The following ROBO2 variants were observed in gnomAD, a reference collection of about 807,000 sequenced individuals.
ROBO2 encodes the protein roundabout homolog 2.
ROBO2 carries 53 observed loss-of-function variants against 160.8 expected under a neutral mutation model. The observed-to-expected ratio is 0.33, with a 90% CI of 0.26 to 0.41. The LOEUF (loss-of-function observed/expected upper bound fraction) is 0.41. ROBO2 is among the 10% of genes least tolerant of loss of function. The pLI is 1.00. For synonymous variants in ROBO2, 664 were observed against 611.7 expected, an observed-to-expected ratio of 1.09 and a Z score of -1.26; for missense variants, 1,577 against 1,722.4, an observed-to-expected ratio of 0.92 and a Z score of 1.49.
chr3:76,302,976 A>T (rs1220710501), intron 2 of ROBO2, among the ~76,000 whole-genome samples: 2 of 152,138 alleles, frequency 1.3e-5, no homozygotes, highest in East Asian at 1.9e-4. Flanking sequence ...AAAAAATTTT[A>T]AAAATAAACA....
At chr3:76,728,090 T>C (rs981781046) in intron 2 of ROBO2, among the ~76,000 whole-genome samples, 1 of 152,068 alleles carries the variant, frequency 6.6e-6, no homozygotes, top group African/African-American at 2.4e-5. Flanking sequence ...AAGTAACCTA[T>C]TGCTGAAGAC....
chr3:76,710,622 CG>C (rs1356899194), intron 2 of ROBO2, among the ~76,000 whole-genome samples: 2 of 152,212 alleles, frequency 1.3e-5, no homozygotes, highest in Admixed American at 6.5e-5. Context: ...AGAAGTAACT[CG>C]TCAAGGTAGG....
intron 2 of ROBO2, among the ~76,000 whole-genome samples, chr3:76,346,782 C>T (rs2074557596): frequency 6.6e-6 from 1 of 152,100 alleles, no homozygotes; most frequent in South Asian, 2.1e-4. Context: ...AGCTTTCTCC[C>T]ATCTCTTCAG....
intron 2 of ROBO2, among the ~76,000 whole-genome samples, chr3:76,867,957 T>C (rs910831171): frequency 2.0e-4 from 30 of 152,202 alleles, no homozygotes; most frequent in Non-Finnish European, 2.9e-5. Flanking sequence ...CCAAGATGAA[T>C]GTTTTCTCCT....
intron 2 of ROBO2, among the ~76,000 whole-genome samples, chr3:77,356,209 A>C (rs1231473304): frequency 6.6e-6 from 1 of 152,226 alleles, no homozygotes; most frequent in Non-Finnish European, 1.5e-5. Context: ...CTCAGTTAAA[A>C]GAGTGAGCTA....
intron 2 of ROBO2, among the ~76,000 whole-genome samples, chr3:77,116,721 T>G (rs891115549): frequency 6.6e-6 from 1 of 152,216 alleles, no homozygotes; most frequent in African/African-American, 2.4e-5. Context: ...TTTTCTTGCC[T>G]TTGGCTACGG....
intron 2 of ROBO2, among the ~76,000 whole-genome samples, chr3:76,195,191 T>C (rs77481050): frequency 0.023 from 3,457 of 152,272 alleles, 240 homozygotes; most frequent in East Asian, 0.22. Flanking sequence ...ACCTTGAGTA[T>C]TGGGGATATT....
rs551913548 is a variant in ROBO2, at chr3:76,333,083, C to T, written c.109+395481C>T. On this transcript the variant is annotated intron_variant, in intron 2 of 26. Coordinates refer to the ROBO2 transcript ENST00000487694. ...AGGCCCTGGAGCCACACCTTGAGAA[C>T]GCCTAGTATATGTAAACTGGTCTTC... is the stretch of plus-strand genomic sequence containing the variant. Among the ~76,000 whole-genome samples, 58 of 152,284 alleles carry T rather than the reference C, an allele frequency of 3.8e-4. 2 individuals are homozygous for T. Among genetic ancestry groups the T allele is most frequent in the South Asian group, 1.0e-3 (5 of 4,822 alleles).
At chr3:76,821,671 C>A (rs1455842342) in intron 2 of ROBO2, among the ~76,000 whole-genome samples, 1 of 151,436 alleles carries the variant, frequency 6.6e-6, no homozygotes, top group Non-Finnish European at 1.5e-5. Context: ...AATAAAATAC[C>A]AAAATTAAAG....
At chr3:76,144,123 G>A (rs2071795388) in intron 2 of ROBO2, among the ~76,000 whole-genome samples, 1 of 151,890 alleles carries the variant, frequency 6.6e-6, no homozygotes, top group East Asian at 1.9e-4. Context: ...GCACATTGTG[G>A]CCCAGCTAAT....
chr3:76,087,727 A>G lies in ROBO2; in HGVS notation c.109+150125A>G, dbSNP rs772313516. Among the ~76,000 whole-genome samples the G allele has an allele frequency of 1.1e-3, 165 of 152,182 alleles. 1 individual carries two copies. The highest frequency in any genetic ancestry group is 1.7e-3 in the East Asian group (9 of 5,178). ...TTCATATATATGGCTAAGTGTAAAT[A>G]AAATGAGTGACACTAATGATACAAG... On this transcript the variant is annotated intron_variant, in intron 2 of 26. Transcript: ENST00000487694.
intron 2 of ROBO2, among the ~76,000 whole-genome samples, chr3:76,468,225 G>A (rs1404272940): frequency 6.6e-6 from 1 of 152,042 alleles, no homozygotes; most frequent in Non-Finnish European, 1.5e-5. Flanking sequence ...GATAGCAACT[G>A]GCAAAGTGAG....
intron 13 of ROBO2, among the ~76,000 whole-genome samples, chr3:77,571,994 C>T (rs2093648959): frequency 1.3e-5 from 2 of 151,548 alleles, no homozygotes; most frequent in South Asian, 4.2e-4. Context: ...TGATAGTGTA[C>T]ACTGAAGTGT....
intron 2 of ROBO2, among the ~76,000 whole-genome samples, chr3:77,016,293 C>T (rs147060218): frequency 8.0e-4 from 122 of 152,154 alleles, no homozygotes; most frequent in South Asian, 5.4e-3. Flanking sequence ...TTATTTTGTA[C>T]GACTGAGTTT....
At chr3:77,057,346 G>A (rs1451976383) in intron 1 of ROBO2, among the ~76,000 whole-genome samples, 3 of 152,058 alleles carry the variant, frequency 2.0e-5, no homozygotes, top group Non-Finnish European at 4.4e-5. Flanking sequence ...AGCATTAGGA[G>A]ATATACCTAA....
At chr3:77,500,017 T>A (rs1422452680) in intron 5 of ROBO2, among the ~76,000 whole-genome samples, 3 of 152,156 alleles carry the variant, frequency 2.0e-5, no homozygotes, top group Non-Finnish European at 4.4e-5. Flanking sequence ...GTTGCCTGCA[T>A]TTTCTACCTT....
At chr3:77,361,723 C>CG (rs1448713182) in intron 2 of ROBO2, among the ~76,000 whole-genome samples, 1 of 152,116 alleles carries the variant, frequency 6.6e-6, no homozygotes, top group Non-Finnish European at 1.5e-5. Flanking sequence ...CCCTTGGCCC[C>CG]GACCTCTTAG....
intron 2 of ROBO2, among the ~76,000 whole-genome samples, chr3:76,193,802 A>G (rs1004570811): frequency 6.6e-6 from 1 of 152,084 alleles, no homozygotes; most frequent in Non-Finnish European, 1.5e-5. Flanking sequence ...TTATTAATTG[A>G]TCATGTGACC....
intron 2 of ROBO2, among the ~76,000 whole-genome samples, chr3:76,665,188 C>A (rs2091971411): frequency 6.6e-6 from 1 of 152,056 alleles, no homozygotes; most frequent in African/African-American, 2.4e-5. Context: ...TTTTCAGATT[C>A]TATATTCATA....
Sources: allele counts gnomAD v4.1 joint callset (sites outside exome capture counted in the v4.1 genomes callset), GRCh38; gene constraint gnomAD v4.1.1; transcripts MANE v1.5; gene names NCBI Gene and HGNC (gene_info 2026-07-23, HGNC 2026-07-21).